Variants in IRS2 observed in about 807,000 individuals in gnomAD.
IRS2 encodes insulin receptor substrate 2.
Under a neutral mutation model 70.9 loss-of-function variants are expected in IRS2, and 28 were observed. That is an observed-to-expected ratio of 0.39 (90% confidence interval 0.29 to 0.54). The LOEUF is 0.54. Ranked by LOEUF, IRS2 falls within the 20% of genes least tolerant of loss-of-function variation. The probability of loss-of-function intolerance (pLI) is 0.59; values close to 1 mark genes in which losing one functional copy is unlikely to be tolerated. For missense variants in IRS2, 2,081 were observed against 2,024.1 expected, an observed-to-expected ratio of 1.03 and a Z score of -0.54; for synonymous variants, 1,217 against 981.9, an observed-to-expected ratio of 1.24 and a Z score of -4.48.
intron 1 of IRS2, among the ~76,000 whole-genome samples, chr13:109,777,291 T>G (rs1053110922): frequency 6.6e-6 from 1 of 152,188 alleles, no homozygotes; most frequent in Non-Finnish European, 1.5e-5. Context: ...AAACCCTTTC[T>G]ACTTGCCAAA....
chr13:109,773,035 T>C (rs933105077), intron 1 of IRS2, among the ~76,000 whole-genome samples: 1 of 152,198 alleles, frequency 6.6e-6, no homozygotes, highest in Non-Finnish European at 1.5e-5. Context: ...TTAAGAATTT[T>C]TATGTGTTTG....
In IRS2 at chr13:109,755,451, T is replaced by C; in HGVS notation, c.*853A>G. 1 of 221,574 alleles carries C rather than the reference T, an allele frequency of 4.5e-6. No homozygotes were observed. Among genetic ancestry groups the C allele is most frequent in the Non-Finnish European group, 9.0e-6 (1 of 110,736 alleles). The allele number at this position is 221,574 out of a possible 1,614,324, so 13.7% of individuals were successfully genotyped here. ...AAAGGCGTTTGCAATGTGAAGTACCTACATAAACATCTACATCGAGAAGAT... is the reference window on the plus strand; with the variant it reads ...AAAGGCGTTTGCAATGTGAAGTACCCACATAAACATCTACATCGAGAAGAT... On this transcript the variant is annotated 3_prime_UTR_variant, in exon 2 of 2. Transcript: ENST00000375856.
intron 1 of IRS2, 58 bp from the exon 2 acceptor site, chr13:109,756,366 G>A (rs927928870): frequency 6.4e-7 from 1 of 1,550,724 alleles, no homozygotes; most frequent in African/African-American, 1.4e-5. Flanking sequence ...GCAATCTCTG[G>A]AGTTCCAGAA....
chr13:109,757,155 C>T (rs1877125749), intron 1 of IRS2, among the ~76,000 whole-genome samples: 1 of 152,154 alleles, frequency 6.6e-6, no homozygotes, highest in Admixed American at 6.5e-5. Flanking sequence ...TTGATATATT[C>T]CTTCTTCAAG....
intron 1 of IRS2, among the ~76,000 whole-genome samples, chr13:109,759,231 G>A (rs1485695824): frequency 6.6e-6 from 1 of 152,214 alleles, no homozygotes; most frequent in African/African-American, 2.4e-5. Context: ...CGAGAACTGT[G>A]GTCTGGGTGT....
chr13:109,776,081 G>A (rs1877569731), intron 1 of IRS2, among the ~76,000 whole-genome samples: 1 of 150,176 alleles, frequency 6.7e-6, no homozygotes, highest in Non-Finnish European at 1.5e-5. Context: ...CCCGGGAGGT[G>A]GACGTTGCAG....
rs926015810 is a variant in IRS2, at chr13:109,756,021, A to G, written c.*283T>C. 6.3e-6 allele frequency: 3 copies of G among 477,148 alleles called. No homozygotes were observed. Among genetic ancestry groups the G allele is most frequent in the African/African-American group, 5.8e-5 (3 of 51,966 alleles). 29.6% of individuals were successfully genotyped at this position (477,148 alleles called of 1,614,324 possible). On this transcript the variant is annotated 3_prime_UTR_variant, in exon 2 of 2. Coordinates refer to ENST00000375856, the MANE Select transcript of IRS2 (RefSeq NM_003749.3). ...TTAAGAAGGCCAATGAAAACATCCA[A>G]TTTTCTTGAGAATAACTTCTTCAGC...
At chr13:109,778,170 TTG>T (rs985503369) in intron 1 of IRS2, among the ~76,000 whole-genome samples, 1 of 152,210 alleles carries the variant, frequency 6.6e-6, no homozygotes, top group African/African-American at 2.4e-5. Context: ...TCCAGCGGCC[TTG>T]TGACACAGAA....
chr13:109,782,948 G>C lies in IRS2; in HGVS notation c.3106C>G (p.Pro1036Ala), dbSNP rs1465993937. Residue 1036 changes from proline (P) to alanine (A), a missense_variant, in exon 1 of 2, where the codon CCG becomes GCG. Physicochemically the swap from Pro to Ala is conservative, Grantham distance 27. This residue lies in a region of IRS2 where 1,615 missense variants were observed against 1,459.5 expected (regional missense o/e 1.11). Transcript: ENST00000375856. ...AGGCGGTACAGCTCCCCCGGGGCCGGCGGCGGTGGCGGCGGCTGCAGAGAC... is the reference window on the plus strand; with the variant it reads ...AGGCGGTACAGCTCCCCCGGGGCCGCCGGCGGTGGCGGCGGCTGCAGAGAC... ...SSSLQPPPPP[P>A]APGELYRLPP... The C allele has an allele frequency of 7.0e-7, 1 of 1,435,040 alleles. No individual in the cohort carries two copies. The highest frequency in any genetic ancestry group is 9.1e-7 in the Non-Finnish European group (1 of 1,099,202). 88.9% of individuals were successfully genotyped at this position (1,435,040 alleles called of 1,614,324 possible).
intron 1 of IRS2, among the ~76,000 whole-genome samples, chr13:109,762,386 C>CGA (rs1361319496): frequency 6.6e-5 from 10 of 152,164 alleles, no homozygotes; most frequent in Admixed American, 2.0e-4. Context: ...CCAGGAAGCA[C>CGA]GAACAACTTG....
rs2138936369 is a variant in IRS2 at position 109,784,617 on chromosome 13, C to T, written c.1437G>A (p.Gln479=). The T allele has an allele frequency of 7.5e-7, 1 of 1,336,874 alleles. No individual in the cohort carries two copies. The highest frequency in any genetic ancestry group is 9.5e-7 in the Non-Finnish European group (1 of 1,049,506). 82.8% of individuals were successfully genotyped at this position (1,336,874 alleles called of 1,614,324 possible). The change falls in exon 1 of 2, where the codon CAG becomes CAA. Residue 479 remains glutamine, a synonymous_variant. Coordinates refer to ENST00000375856, the MANE Select transcript of IRS2 (RefSeq NM_003749.3). This position sits in a 1 kb window ranked among gnomAD's most constrained non-coding sequence, Gnocchi z 5.2. ...CGGAGGCGCTGCCGCTGGAGGGCCG[C>T]TGGCCGGGGCCGTGGTGCAGCGGAT... ...LPHPLHHGPG[Q]RPSSGSASAS...
intron 1 of IRS2, among the ~76,000 whole-genome samples, chr13:109,777,722 C>T (rs1877611637): frequency 6.6e-6 from 1 of 152,190 alleles, no homozygotes; most frequent in African/African-American, 2.4e-5. Context: ...TATACATTTT[C>T]ATCTTGTCAA....
In IRS2 at chr13:109,785,772, A is replaced by T. The variant is rs768620149; in HGVS notation, c.282T>A (p.Ala94=). The change falls in exon 1 of 2, where the codon GCT becomes GCA. Residue 94 remains alanine, a synonymous_variant. Transcript: ENST00000375856. This position sits in a 1 kb window ranked among gnomAD's most constrained non-coding sequence, Gnocchi z 9.3. The part of the protein sequence containing the change: ...SKAGAPKRVI[A]LDCCLNINKR... Reference sequence around the variant, plus strand: ...TGTTGATGTTCAGGCAGCAGTCGAGAGCGATCACCCGTTTCGGCGCGCCTG... The same window carrying T: ...TGTTGATGTTCAGGCAGCAGTCGAGTGCGATCACCCGTTTCGGCGCGCCTG... 6 of 1,592,166 alleles carry T rather than the reference A, an allele frequency of 3.8e-6. No individual in the cohort carries two copies. In the African/African-American group the frequency reaches 6.7e-5, roughly 18 times the overall value.
Position 109,783,949 on chromosome 13 carries a change from ACGGCGGCGG to A in IRS2, c.2096_2104del (p.Ala699_Ala701del), listed in dbSNP as rs34412495. 8.8e-4 allele frequency: 1,332 copies of A among 1,520,780 alleles called. 5 individuals are homozygous for A. Among genetic ancestry groups the A allele is most frequent in the African/African-American group, 3.4e-3 (244 of 71,498 alleles). The allele number at this position is 1,520,780 out of a possible 1,614,324, so 94.2% of individuals were successfully genotyped here. A position where few individuals can be genotyped will look rare whatever the true frequency, so the allele number is the denominator to read the frequency against. On this transcript the variant is annotated inframe_deletion, in exon 1 of 2. Coordinates refer to ENST00000375856, the MANE Select transcript of IRS2 (RefSeq NM_003749.3). ...TGGCCCCGCAGGCCCCGCAGAAGGC[ACGGCGGCGG>A]CGGCGGCGGCGGCGGCCCTGGGCTG...
rs1877833601 is a variant in IRS2, at chr13:109,784,143, G to A, written c.1911C>T (p.Ile637=). Residue 637 remains isoleucine (I), a synonymous_variant, in exon 1 of 2, where the codon ATC becomes ATT. Coordinates refer to ENST00000375856, the MANE Select transcript of IRS2 (RefSeq NM_003749.3). This position sits in a 1 kb window ranked among gnomAD's most constrained non-coding sequence, Gnocchi z 5.2. ...TGCTGCTGGAGCTCCTGTGGGAGCC[G>A]ATCTCGATGTCTCCGTAGTCCTCTG... is the stretch of plus-strand genomic sequence containing the variant. ...PYPEDYGDIE[I]GSHRSSSSNL... 6.3e-7 allele frequency: 1 copy of A among 1,592,508 alleles called. No individual in the cohort carries two copies. Among genetic ancestry groups the A allele is most frequent in the African/African-American group, 1.3e-5 (1 of 74,868 alleles).
Position 109,785,389 on chromosome 13 carries a change from G to A in IRS2, c.665C>T (p.Ser222Phe). The A allele has an allele frequency of 6.2e-7, 1 of 1,612,496 alleles. No homozygotes were observed. Among genetic ancestry groups the A allele is most frequent in the Non-Finnish European group, 8.5e-7 (1 of 1,179,910 alleles). ...CTTCACGAAGCCGATGGTGCGCGCA[G>A]ACAGGCACAGACGGTACACCCCCGT... ...NLTGVYRLCL[S>F]ARTIGFVKLN... The change falls in exon 1 of 2, where the codon TCT (serine) becomes TTT (phenylalanine). Residue 222 changes from serine (S) to phenylalanine (F), a missense_variant. Transcript: ENST00000375856. This position sits in a 1 kb window ranked among gnomAD's most constrained non-coding sequence, Gnocchi z 9.3.
rs1447697106 is a variant in IRS2, at chr13:109,784,875, C to A, written c.1179G>T (p.Gly393=). 6.4e-5 allele frequency: 72 copies of A among 1,116,296 alleles called. No homozygotes were observed. The highest frequency in any genetic ancestry group is 7.7e-5 in the Non-Finnish European group (70 of 911,502). 69.1% of individuals were successfully genotyped at this position (1,116,296 alleles called of 1,614,324 possible). The change falls in exon 1 of 2, where the codon GGG becomes GGT. Residue 393 remains glycine, a synonymous_variant. Coordinates refer to ENST00000375856, the MANE Select transcript of IRS2 (RefSeq NM_003749.3). The surrounding 1 kb of genome is among the most constrained non-coding windows in gnomAD (Gnocchi z 5.2). ...VSVAGSPLSP[G]PVRAPLSRSH... ...AGCGGCTCAGGGGCGCGCGCACCGG[C>A]CCGGGGCTCAGGGGGCTCCCAGCCA...
intron 1 of IRS2, among the ~76,000 whole-genome samples, chr13:109,776,169 A>AC (rs920920733): frequency 5.3e-5 from 8 of 151,732 alleles, no homozygotes; most frequent in South Asian, 2.1e-4. Flanking sequence ...AAAGAAAAAA[A>AC]CCCAGCATTT....
chr13:109,780,179 C>A (rs1877665098), intron 1 of IRS2, among the ~76,000 whole-genome samples: 1 of 152,218 alleles, frequency 6.6e-6, no homozygotes, highest in African/African-American at 2.4e-5. Context: ...TGATTAGAAT[C>A]AGATTCGGGT....
Sources: gnomAD v4.1 joint callset for allele counts (sites outside exome capture counted in the v4.1 genomes callset) on GRCh38, gnomAD v4.1.1 for gene constraint, gnomAD v4.1.1 regional missense constraint, Gnocchi (gnomAD v3.1) non-coding constraint, MANE v1.5 for transcripts, NCBI Gene and HGNC (gene_info 2026-07-23, HGNC 2026-07-21) for gene names.